The following PAPSS2 variants were observed in gnomAD, a reference collection of about 807,000 sequenced individuals.
PAPSS2 encodes the protein bifunctional 3'-phosphoadenosine 5'-phosphosulfate synthase 2.
A neutral mutation model predicts 66.5 loss-of-function variants in PAPSS2; 61 were observed. The ratio of observed to expected loss-of-function variants is 0.92; its 90% CI spans 0.75 to 1.14. PAPSS2 has a LOEUF of 1.14. PAPSS2 is among the 50% of genes most tolerant of loss of function. PAPSS2 has a pLI of 0.00. For missense variants in PAPSS2, 708 were observed against 789.6 expected (o/e 0.90, Z 1.24); for synonymous variants, 289 against 287.5 (o/e 1.01, Z -0.05).
chr10:87,724,072 T>G (rs934413806), intron 8 of PAPSS2, among the ~76,000 whole-genome samples: 25 of 152,164 alleles, frequency 1.6e-4, no homozygotes, highest in African/African-American at 4.6e-4. Flanking sequence ...TGAGTATAAT[T>G]GAGAGAATAG....
At chr10:87,673,960 C>T (rs1420487372) in intron 1 of PAPSS2, among the ~76,000 whole-genome samples, 1 of 152,088 alleles carries the variant, frequency 6.6e-6, no homozygotes, top group Non-Finnish European at 1.5e-5. Context: ...TTTCCTTCTG[C>T]ATGTTATCTT....
chr10:87,739,154 G>T (rs1853836087), intron 9 of PAPSS2, among the ~76,000 whole-genome samples: 1 of 151,960 alleles, frequency 6.6e-6, no homozygotes, highest in Non-Finnish European at 1.5e-5. Flanking sequence ...TTACTTTTAG[G>T]TGTTTCATCC....
chr10:87,667,054 G>C (rs933077320), intron 1 of PAPSS2, among the ~76,000 whole-genome samples: 1 of 152,160 alleles, frequency 6.6e-6, no homozygotes, highest in Non-Finnish European at 1.5e-5. Context: ...AAAGATTAAA[G>C]CTTTCCCAAA....
intron 1 of PAPSS2, among the ~76,000 whole-genome samples, chr10:87,671,715 G>A (rs1186868459): frequency 6.6e-6 from 1 of 152,098 alleles, no homozygotes; most frequent in Non-Finnish European, 1.5e-5. Context: ...AATATTTCGT[G>A]GTTCAGGGAG....
intron 7 of PAPSS2, among the ~76,000 whole-genome samples, chr10:87,719,201 G>A (rs779055956): frequency 2.6e-5 from 4 of 152,116 alleles, no homozygotes; most frequent in Admixed American, 2.6e-4. Flanking sequence ...AGTTACTTTG[G>A]GTCTAAGTAG....
intron 1 of PAPSS2, among the ~76,000 whole-genome samples, chr10:87,675,437 G>C (rs1852931931): frequency 6.6e-6 from 1 of 152,200 alleles, no homozygotes; most frequent in African/African-American, 2.4e-5. Context: ...ATTATAATAA[G>C]TTAATGACAT....
chr10:87,733,865 A>G (rs1853760375), intron 9 of PAPSS2, among the ~76,000 whole-genome samples: 1 of 147,688 alleles, frequency 6.8e-6, no homozygotes. Context: ...TATGTCTCCT[A>G]TCTTAGTGAC....
intron 1 of PAPSS2, among the ~76,000 whole-genome samples, chr10:87,707,947 A>G (rs926770373): frequency 1.3e-5 from 2 of 152,180 alleles, no homozygotes; most frequent in African/African-American, 2.4e-5. Context: ...GTAATATTTA[A>G]AAGGCTCATA....
At chr10:87,701,316 C>CT (rs1306726943) in intron 1 of PAPSS2, among the ~76,000 whole-genome samples, 32 of 75,914 alleles carry the variant, frequency 4.2e-4, no homozygotes, top group African/African-American at 2.3e-3. Flanking sequence ...TCCTTCCTTC[C>CT]TTCCTTCCTT....
rs751393277 is a variant in PAPSS2 at position 87,681,692 on chromosome 10, G to A, written c.27+21684G>A. ...CTAAAAAGATCCCTGGTGCCCATTC[G>A]CAGTCATTCCCATTCCTACTCCAAG... is the stretch of plus-strand genomic sequence containing the variant. On this transcript the variant is annotated intron_variant, in intron 1 of 12. Transcript: ENST00000456849. 5.3e-5 allele frequency among the ~76,000 whole-genome samples: 8 copies of A among 152,052 alleles called. 1 individual carries two copies. The highest frequency in any genetic ancestry group is 1.4e-4 in the African/African-American group (6 of 41,382).
chr10:87,659,895 C>CTGCTGCTGT lies in PAPSS2; in HGVS notation c.-79_-78insTTGCTGCTG. 7.3e-7 allele frequency: 1 copy of CTGCTGCTGT among 1,362,480 alleles called. No individual in the cohort carries two copies. The highest frequency in any genetic ancestry group is 1.0e-6 in the Non-Finnish European group (1 of 957,860). 84.4% of individuals were successfully genotyped at this position (1,362,480 alleles called of 1,614,324 possible). A position where few individuals can be genotyped will look rare whatever the true frequency, so the allele number is the denominator to read the frequency against. On this transcript the variant is annotated 5_prime_UTR_variant, in exon 1 of 13. Coordinates refer to ENST00000456849, the MANE Select transcript of PAPSS2 (RefSeq NM_001015880.2). The stretch of plus-strand genomic sequence containing the variant: ...AGTCCGGCAGCCGCTGCTGCTGCTG[C>CTGCTGCTGT]TGCTGCTGCTGCCGCCGCCGCCGCC...
intron 4 of PAPSS2, 81 bp downstream of exon 4, chr10:87,714,263 T>C: frequency 6.6e-7 from 1 of 1,520,106 alleles, no homozygotes; most frequent in Non-Finnish European, 9.0e-7. Flanking sequence ...GAAATCTTCC[T>C]TGAGTTTCAA....
rs201303650 is a variant in PAPSS2, at chr10:87,734,661, GTGTA to G, written c.1087-6572_1087-6569del. Among the ~76,000 whole-genome samples, 95 of 90,348 alleles carry G rather than the reference GTGTA, an allele frequency of 1.1e-3. 1 individual carries two copies. Among genetic ancestry groups the G allele is most frequent in the East Asian group, 5.3e-3 (14 of 2,634 alleles). The allele number at this position is 90,348 out of a possible 152,430, so 59.3% of individuals were successfully genotyped here. On this transcript the variant is annotated intron_variant, in intron 9 of 12. Transcript: ENST00000456849. Reference sequence around the variant, plus strand: ...ACTGATAGCACAGAAATGAATGTGTGTGTATATATATATATATATATATATATAT... The same window carrying G: ...ACTGATAGCACAGAAATGAATGTGTGTATATATATATATATATATATATAT...
At chr10:87,693,410 T>C (rs1484823168) in intron 1 of PAPSS2, among the ~76,000 whole-genome samples, 2 of 152,242 alleles carry the variant, frequency 1.3e-5, no homozygotes, top group Non-Finnish European at 2.9e-5. Flanking sequence ...GAACAACCTT[T>C]GCATATGCCA....
At chr10:87,745,523 A>G (rs1198308967) in intron 12 of PAPSS2, among the ~76,000 whole-genome samples, 3 of 152,178 alleles carry the variant, frequency 2.0e-5, no homozygotes, top group Admixed American at 2.0e-4. Flanking sequence ...AGAGATTGCA[A>G]TGAATATTTA....
chr10:87,742,491 A>G (rs145609796), intron 10 of PAPSS2, among the ~76,000 whole-genome samples: 1 of 152,204 alleles, frequency 6.6e-6, no homozygotes, highest in African/African-American at 2.4e-5. Flanking sequence ...TTTATATTCT[A>G]TTTTGGGCTT....
chr10:87,710,022 C>G (rs1853444830), intron 2 of PAPSS2, among the ~76,000 whole-genome samples: 1 of 152,104 alleles, frequency 6.6e-6, no homozygotes, highest in Non-Finnish European at 1.5e-5. Flanking sequence ...TACTCTGAGT[C>G]CAAGGTAGAC....
chr10:87,732,261 G>T (rs60262932), intron 9 of PAPSS2, among the ~76,000 whole-genome samples: 1 of 152,126 alleles, frequency 6.6e-6, no homozygotes, highest in Non-Finnish European at 1.5e-5. Context: ...GGCTGGGCGC[G>T]GTGGCTCACC....
At chr10:87,670,871 G>T (rs1282728756) in intron 1 of PAPSS2, among the ~76,000 whole-genome samples, 1 of 152,168 alleles carries the variant, frequency 6.6e-6, no homozygotes, top group African/African-American at 2.4e-5. Flanking sequence ...TTGAGGCTGT[G>T]ACTCAAAAAG....
Sources: allele counts gnomAD v4.1 joint callset (sites outside exome capture counted in the v4.1 genomes callset), GRCh38; gene constraint gnomAD v4.1.1; transcripts MANE v1.5; gene names NCBI Gene and HGNC (gene_info 2026-07-23, HGNC 2026-07-21).